The following RAB11FIP3 variants were observed in gnomAD, a reference collection of about 807,000 sequenced individuals.
The protein encoded by RAB11FIP3 is RAB11 family interacting protein 3.
In RAB11FIP3, 17 loss-of-function variants were observed where a neutral mutation model predicts 77.8. The ratio of observed to expected loss-of-function variants is 0.22; its 90% CI spans 0.15 to 0.33. The LOEUF (loss-of-function observed/expected upper bound fraction) is 0.33. Ranked by LOEUF, RAB11FIP3 falls within the 10% of genes least tolerant of loss-of-function variation. The pLI is 1.00. For missense variants in RAB11FIP3, 1,005 were observed against 1,011.2 expected (o/e 0.99, Z 0.08); for synonymous variants, 437 against 448.2 (o/e 0.98, Z 0.31).
intron 1 of RAB11FIP3, among the ~76,000 whole-genome samples, chr16:445,030 C>T (rs1479678738): frequency 2.8e-5 from 4 of 144,888 alleles, no homozygotes; most frequent in Non-Finnish European, 4.5e-5. Context: ...AGGAGAATGG[C>T]GTGAACCCGG....
intron 1 of RAB11FIP3, among the ~76,000 whole-genome samples, chr16:438,505 A>G (rs2055169735): frequency 6.7e-6 from 1 of 148,892 alleles, no homozygotes; most frequent in South Asian, 2.1e-4. Context: ...TCCAGGGTTC[A>G]AGTAATTCTC....
At chr16:500,292 C>A (rs1185674689) in intron 6 of RAB11FIP3, among the ~76,000 whole-genome samples, 2 of 152,222 alleles carry the variant, frequency 1.3e-5, no homozygotes, top group African/African-American at 4.8e-5. Context: ...CCCTGTGGGG[C>A]AGGTCAGGCT....
In RAB11FIP3 at chr16:426,136, C is replaced by G; in HGVS notation, c.130C>G (p.Pro44Ala). The G allele has an allele frequency of 9.9e-7, 1 of 1,012,094 alleles. No individual in the cohort carries two copies. The highest frequency in any genetic ancestry group is 1.2e-6 in the Non-Finnish European group (1 of 849,126). The allele number at this position is 1,012,094 out of a possible 1,614,324, so 62.7% of individuals were successfully genotyped here. Residue 44 changes from proline to alanine, a missense_variant, in exon 1 of 14, where the codon CCC (proline) becomes GCC (alanine). Pro to Ala is a conservative substitution (Grantham distance 27). This residue lies in a region of RAB11FIP3 where 466 missense variants were observed against 408.3 expected (regional missense o/e 1.14). Coordinates refer to ENST00000262305, the MANE Select transcript of RAB11FIP3 (RefSeq NM_014700.4). The surrounding 1 kb of genome is among the most constrained non-coding windows in gnomAD (Gnocchi z 5.0). ...PGPAELRLGA[P>A]VGGPDPQSPG... Reference sequence around the variant, plus strand: ...CCCTGCGGAGCTACGCCTCGGAGCGCCCGTCGGCGGCCCCGACCCGCAGTC... The same window carrying G: ...CCCTGCGGAGCTACGCCTCGGAGCGGCCGTCGGCGGCCCCGACCCGCAGTC...
chr16:495,970 G>A (rs1596278244), intron 5 of RAB11FIP3, among the ~76,000 whole-genome samples: 1 of 152,126 alleles, frequency 6.6e-6, no homozygotes, highest in South Asian at 2.1e-4. Context: ...GGCTGGTCTC[G>A]AACTCCCGAC....
chr16:473,299 T>C (rs1391439669), intron 3 of RAB11FIP3, among the ~76,000 whole-genome samples: 1 of 152,192 alleles, frequency 6.6e-6, no homozygotes, highest in Non-Finnish European at 1.5e-5. Context: ...TATTTTTAGA[T>C]CCTGATTTCT....
intron 5 of RAB11FIP3, among the ~76,000 whole-genome samples, chr16:490,463 C>G (rs983487112): frequency 3.9e-5 from 6 of 152,166 alleles, no homozygotes; most frequent in African/African-American, 1.4e-4. Context: ...CCTCAGCTTC[C>G]TGAGTAGCTG....
intron 5 of RAB11FIP3, among the ~76,000 whole-genome samples, chr16:493,251 CAA>C (rs71139788): frequency 0.47 from 48,186 of 101,662 alleles, 8,974 homozygotes; most frequent in Middle Eastern, 0.61. Context: ...ACTCTGACTC[CAA>C]AAAAAAAAAA....
intron 4 of RAB11FIP3, among the ~76,000 whole-genome samples, chr16:488,210 C>G (rs538101651): frequency 1.3e-5 from 2 of 152,244 alleles, no homozygotes; most frequent in Non-Finnish European, 2.9e-5. Flanking sequence ...GAAACCCCGT[C>G]TCTACTAAAA....
Position 505,644 on chromosome 16 carries a change from A to G in RAB11FIP3, c.1499+17A>G. On this transcript the variant is annotated intron_variant, in intron 8 of 13. Transcript: ENST00000262305. The surrounding 1 kb of genome is among the most constrained non-coding windows in gnomAD (Gnocchi z 4.0). ...GGTGCACAGGTGAGCCTGGGCCAGGAGACCCGGGCCTCTGCGTGGCGCCTC... is the reference window on the plus strand; with the variant it reads ...GGTGCACAGGTGAGCCTGGGCCAGGGGACCCGGGCCTCTGCGTGGCGCCTC... The G allele has an allele frequency of 6.4e-7, 1 of 1,573,282 alleles. No homozygotes were observed. Among genetic ancestry groups the G allele is most frequent in the Non-Finnish European group, 8.6e-7 (1 of 1,165,200 alleles).
chr16:520,018 C>A, intron 11 of RAB11FIP3, 104 bp from the exon 12 acceptor site: 1 of 1,523,624 alleles, frequency 6.6e-7, no homozygotes, highest in East Asian at 2.5e-5. Context: ...TGTCGTCCTC[C>A]CGAGAGACGG....
intron 1 of RAB11FIP3, among the ~76,000 whole-genome samples, chr16:435,716 G>C (rs2055116886): frequency 6.6e-6 from 1 of 152,112 alleles, no homozygotes; most frequent in African/African-American, 2.4e-5. Flanking sequence ...ACATAGCATA[G>C]AGTTCAAACA....
At chr16:459,143 T>G (rs2055559464) in intron 1 of RAB11FIP3, among the ~76,000 whole-genome samples, 1 of 147,840 alleles carries the variant, frequency 6.8e-6, no homozygotes, top group East Asian at 1.9e-4. Context: ...TTTTTTTTTT[T>G]GAGACAGAGT....
rs138081635 is a variant in RAB11FIP3, at chr16:520,672, C to T, written c.2158-54C>T. On this transcript the variant is annotated intron_variant, in intron 13 of 13. Transcript: ENST00000262305. ...CACTGTCTGTGCGCTGTGGTTTATG[C>T]GCTGTGGCCTGTGGCCCATGCGCCT... The T allele has an allele frequency of 3.2e-5, 51 of 1,611,062 alleles. 1 individual carries two copies. The African/African-American group carries it at 4.1e-4, about 13-fold the overall frequency.
chr16:514,258 T>C lies in RAB11FIP3; in HGVS notation c.1640+3458T>C, dbSNP rs1406755840. Among the ~76,000 whole-genome samples the C allele has an allele frequency of 6.6e-6, 1 of 152,244 alleles. No individual in the cohort carries two copies. The highest frequency in any genetic ancestry group is 2.1e-4 in the South Asian group (1 of 4,830). On this transcript the variant is annotated intron_variant, in intron 9 of 13. Coordinates refer to ENST00000262305, the MANE Select transcript of RAB11FIP3 (RefSeq NM_014700.4). This position sits in a 1 kb window ranked among gnomAD's most constrained non-coding sequence, Gnocchi z 4.6. Reference sequence around the variant, plus strand: ...CCCCTGCAGCCCCAGGTCAGCAACCTGCGGTCAGCCCAGCACGAGGCCTCT... The same window carrying C: ...CCCCTGCAGCCCCAGGTCAGCAACCCGCGGTCAGCCCAGCACGAGGCCTCT...
intron 1 of RAB11FIP3, among the ~76,000 whole-genome samples, chr16:446,596 G>A (rs1490420669): frequency 6.6e-6 from 1 of 152,230 alleles, no homozygotes; most frequent in African/African-American, 2.4e-5. Flanking sequence ...CTAGCCTGGT[G>A]TCCAGATGTG....
Position 515,915 on chromosome 16 carries a change from G to T in RAB11FIP3, c.1641-3028G>T, listed in dbSNP as rs537409580. Among the ~76,000 whole-genome samples the T allele has an allele frequency of 7.5e-4, 114 of 152,306 alleles. 2 individuals are homozygous for T. In the South Asian group the frequency reaches 0.023, roughly 31 times the overall value. On this transcript the variant is annotated intron_variant, in intron 9 of 13. Transcript: ENST00000262305. Reference sequence around the variant, plus strand: ...GATCACACCCATCCCCACCCTAGAGGAGGAATCGGGACTGCAGGGCGCCAG... The same window carrying T: ...GATCACACCCATCCCCACCCTAGAGTAGGAATCGGGACTGCAGGGCGCCAG...
chr16:516,730 A>G (rs2032433251), intron 9 of RAB11FIP3, among the ~76,000 whole-genome samples: 1 of 150,934 alleles, frequency 6.6e-6, no homozygotes, highest in Non-Finnish European at 1.5e-5. Flanking sequence ...TACAAAAATT[A>G]GCCAGGCGCG....
chr16:449,970 A>G (rs1166475724), intron 1 of RAB11FIP3, among the ~76,000 whole-genome samples: 2 of 152,034 alleles, frequency 1.3e-5, no homozygotes, highest in Admixed American at 6.6e-5. Flanking sequence ...TTTTGTTTTA[A>G]AGATTAAGTT....
At chr16:454,229 C>A (rs1458221458) in intron 1 of RAB11FIP3, among the ~76,000 whole-genome samples, 1 of 152,042 alleles carries the variant, frequency 6.6e-6, no homozygotes, top group Non-Finnish European at 1.5e-5. Flanking sequence ...CAAGCATAAC[C>A]CCCTATAAAG....
Sources: allele counts gnomAD v4.1 joint callset (sites outside exome capture counted in the v4.1 genomes callset), GRCh38; gene constraint gnomAD v4.1.1; regional missense constraint gnomAD v4.1.1; non-coding constraint Gnocchi (gnomAD v3.1); transcripts MANE v1.5; gene names NCBI Gene and HGNC (gene_info 2026-07-23, HGNC 2026-07-21).